MYCBPAP: variants seen among roughly 807,000 people sequenced by gnomAD.
MYCBPAP encodes the protein MYCBP associated protein.
MYCBPAP carries 60 observed loss-of-function variants against 106.1 expected under a neutral mutation model. The observed-to-expected ratio is 0.57, with a 90% CI of 0.46 to 0.70. The LOEUF (loss-of-function observed/expected upper bound fraction) is 0.70, where lower values mean the gene tolerates loss of function less well. Among genes scored for constraint, MYCBPAP ranks in the 30% least tolerant of loss-of-function variants. The pLI is 0.00. For synonymous variants in MYCBPAP, 407 were observed against 440.6 expected, an observed-to-expected ratio of 0.92 and a Z score of 0.95; for missense variants, 1,064 against 1,169.3, an observed-to-expected ratio of 0.91 and a Z score of 1.31.
chr17:50,508,725 A>G lies in MYCBPAP; in HGVS notation c.51A>G (p.Leu17=). 1 of 1,611,700 alleles carries G rather than the reference A, an allele frequency of 6.2e-7. No individual in the cohort carries two copies. The highest frequency in any genetic ancestry group is 8.5e-7 in the Non-Finnish European group (1 of 1,178,806). The part of the protein sequence containing the change: ...DSRLRITPTR[L]LEASENVKEK... Reference sequence around the variant, plus strand: ...GCCTCAGAATAACTCCGACCAGATTATTAGAGGCCTCAGAGAATGTCAAAG... The same window carrying G: ...GCCTCAGAATAACTCCGACCAGATTGTTAGAGGCCTCAGAGAATGTCAAAG... Residue 17 remains leucine, a synonymous_variant, in exon 1 of 19, where the codon TTA becomes TTG. Coordinates refer to ENST00000323776, the MANE Select transcript of MYCBPAP (RefSeq NM_032133.6).
chr17:50,527,276 G>A lies in MYCBPAP; in HGVS notation c.2170-11G>A. The A allele has an allele frequency of 6.2e-7, 1 of 1,613,858 alleles. No individual in the cohort carries two copies. ...TGTCCTGGTGCAGAATGGTGCCCAT[G>A]ACCCTGCCAGGCAGTGATGGTGCTC... On this transcript the variant is annotated splice_polypyrimidine_tract_variant and intron_variant, in intron 14 of 18. Coordinates refer to ENST00000323776, the MANE Select transcript of MYCBPAP (RefSeq NM_032133.6).
rs1353043301 is a variant in MYCBPAP at position 50,516,605 on chromosome 17, C to G, written c.112C>G (p.Pro38Ala). The G allele has an allele frequency of 5.0e-6, 8 of 1,614,198 alleles. No individual in the cohort carries two copies. Among genetic ancestry groups the G allele is most frequent in the Non-Finnish European group, 6.8e-6 (8 of 1,180,042 alleles). ...KRAKGPEQPT[P>A]TIQEEPEPVS... ...GGCAAAGGGACCTGAACAACCCACA[C>G]CCACAATTCAGGAAGAGCCTGAACC... is the stretch of plus-strand genomic sequence containing the variant. Residue 38 changes from proline (P) to alanine (A), a missense_variant, in exon 2 of 19, where the codon CCC (proline) becomes GCC (alanine). By Grantham distance (27) the Pro-to-Ala change is conservative. Coordinates refer to ENST00000323776, the MANE Select transcript of MYCBPAP (RefSeq NM_032133.6).
intron 13 of MYCBPAP, among the ~76,000 whole-genome samples, chr17:50,525,659 C>CTGTTTTTTTTTTT (rs57947501): frequency 7.6e-6 from 1 of 131,364 alleles, no homozygotes; most frequent in Admixed American, 8.0e-5. Context: ...GCTAATTTCT[C>CTGTTTTTTTTTTT]TTTTTTTTTT....
rs185427133 is a variant in MYCBPAP at position 50,523,736 on chromosome 17, G to C, written c.1587G>C (p.Ala529=). The C allele has an allele frequency of 4.5e-5, 73 of 1,613,990 alleles. 1 individual carries two copies. In the Admixed American group the frequency reaches 1.2e-3, roughly 27 times the overall value. The part of the protein sequence containing the change: ...GGAILQVNLH[A]VSLTQDVFED... ...CTATACTGCAGGTCAATCTCCACGC[G>C]GTCTCCCTGACCCAGGACGTTTTTG... is the stretch of plus-strand genomic sequence containing the variant. Residue 529 remains alanine (A), a synonymous_variant, in exon 12 of 19, where the codon GCG becomes GCC. Transcript: ENST00000323776.
chr17:50,516,143 C>G (rs567413482), intron 1 of MYCBPAP: 1 of 158,540 alleles, frequency 6.3e-6, no homozygotes, highest in African/African-American at 2.4e-5. Context: ...GCATGGGCCA[C>G]CACACCTGGC....
intron 1 of MYCBPAP, chr17:50,510,499 G>GTATGTATGTATATATATA (rs1555618059): frequency 1.0e-4 from 8 of 76,414 alleles, no homozygotes; most frequent in African/African-American, 3.7e-4. Context: ...GTGTGTGTGT[G>GTATGTATGTATATATATA]TATATATATA....
intron 2 of MYCBPAP, 64 bp downstream of exon 2, chr17:50,516,761 C>A: frequency 6.3e-7 from 1 of 1,593,676 alleles, no homozygotes; most frequent in South Asian, 1.1e-5. Context: ...CCTGAGTGGT[C>A]TAGAACACCA....
rs767627585 is a variant in MYCBPAP, at chr17:50,508,607, G to C, written c.-68G>C. The C allele has an allele frequency of 1.3e-6, 2 of 1,557,550 alleles. No homozygotes were observed. The highest frequency in any genetic ancestry group is 1.8e-4 in the Middle Eastern group (1 of 5,508). ...CGCAGTGGCGGCCGTTGGCTGGCGG[G>C]TGCGGCGCAGCCTCGGTGTCTCTGG... On this transcript the variant is annotated 5_prime_UTR_variant, in exon 1 of 19. Transcript: ENST00000323776.
chr17:50,524,920 T>C lies in MYCBPAP; in HGVS notation c.1679T>C (p.Val560Ala). The C allele has an allele frequency of 6.2e-7, 1 of 1,614,048 alleles. No homozygotes were observed. The highest frequency in any genetic ancestry group is 8.5e-7 in the Non-Finnish European group (1 of 1,180,014). ...AHEAVTVVRE[V>A]LQELLMGVLT... is the part of the protein sequence containing the mutation. ...GAGGCAGTCACCGTCGTTCGCGAAG[T>C]GCTGCAGGAGCTGCTGATGGGGGTC... The change falls in exon 13 of 19, where the codon GTG (valine) becomes GCG (alanine). Residue 560 changes from valine to alanine, a missense_variant. Transcript: ENST00000323776.
At chr17:50,526,444 G>A (rs948309539) in intron 14 of MYCBPAP, among the ~76,000 whole-genome samples, 177 bp downstream of exon 14, 1 of 78,408 alleles carries the variant, frequency 1.3e-5, no homozygotes, top group Non-Finnish European at 2.7e-5. Context: ...TTATTTTTGA[G>A]ACGAAGTTTT....
chr17:50,510,499 G>GTGTGTGTATATA (rs1418345705), intron 1 of MYCBPAP: 33 of 76,412 alleles, frequency 4.3e-4, no homozygotes, highest in African/African-American at 1.4e-3. Context: ...GTGTGTGTGT[G>GTGTGTGTATATA]TATATATATA....
At chr17:50,508,966 G>A in intron 1 of MYCBPAP, 1 of 704,454 alleles carries the variant, frequency 1.4e-6, no homozygotes, top group Non-Finnish European at 2.6e-6. Flanking sequence ...GACATAGGAA[G>A]TGGGAGACTG....
Position 50,523,782 on chromosome 17 carries a change from G to A in MYCBPAP, c.1633G>A (p.Glu545Lys), listed in dbSNP as rs2034362954. The change falls in exon 12 of 19, where the codon GAG (glutamate) becomes AAG (lysine). Residue 545 changes from glutamate (E) to lysine (K), a missense_variant and splice_region_variant. Transcript: ENST00000323776. ...DVFEDERKVL[E>K]SKLTAHEAVT... ...TTTTGAGGATGAGAGGAAAGTACTG[G>A]AGGTAAGGGACCCAGGACCATGGCC... is the stretch of plus-strand genomic sequence containing the variant. 2.5e-6 allele frequency: 4 copies of A among 1,613,670 alleles called. No homozygotes were observed. The highest frequency in any genetic ancestry group is 3.4e-6 in the Non-Finnish European group (4 of 1,179,796).
chr17:50,511,866 G>A (rs1394287331), intron 1 of MYCBPAP, among the ~76,000 whole-genome samples: 1 of 152,018 alleles, frequency 6.6e-6, no homozygotes, highest in African/African-American at 2.4e-5. Context: ...GGTCTCCCCA[G>A]CTTGCCTCTG....
rs551595047 is a variant in MYCBPAP at position 50,529,326 on chromosome 17, C to G, written c.2724+138C>G. The G allele has an allele frequency of 4.3e-4, 325 of 762,862 alleles. 2 individuals are homozygous for G. In the South Asian group the frequency reaches 5.8e-3, roughly 14 times the overall value. The allele number at this position is 762,862 out of a possible 1,614,324, so 47.3% of individuals were successfully genotyped here. On this transcript the variant is annotated intron_variant, in intron 18 of 18. Coordinates refer to ENST00000323776, the MANE Select transcript of MYCBPAP (RefSeq NM_032133.6). Reference sequence around the variant, plus strand: ...AGGAAGGGCATCCTCGTGTGTGAGACAGGCCTCATGAATAAGGAATGCGCC... The same window carrying G: ...AGGAAGGGCATCCTCGTGTGTGAGAGAGGCCTCATGAATAAGGAATGCGCC...
intron 4 of MYCBPAP, 124 bp from the exon 5 acceptor site, chr17:50,518,417 C>G: frequency 1.3e-6 from 1 of 781,314 alleles, no homozygotes; most frequent in Non-Finnish European, 1.9e-6. Context: ...ACTCTGGAGT[C>G]CTGAAGAGGA....
chr17:50,523,800 C>A lies in MYCBPAP; in HGVS notation c.1635+16C>A, dbSNP rs1486335164. The A allele has an allele frequency of 9.9e-6, 16 of 1,609,018 alleles. No homozygotes were observed. The highest frequency in any genetic ancestry group is 1.2e-5 in the Non-Finnish European group (14 of 1,177,016). On this transcript the variant is annotated intron_variant, in intron 12 of 18. Transcript: ENST00000323776. The stretch of plus-strand genomic sequence containing the variant: ...AGTACTGGAGGTAAGGGACCCAGGA[C>A]CATGGCCCCTGTGGACATCAGGTAG...
chr17:50,516,806 A>G (rs2034069676), intron 2 of MYCBPAP, 109 bp downstream of exon 2: 3 of 1,238,918 alleles, frequency 2.4e-6, no homozygotes, highest in Non-Finnish European at 3.4e-6. Context: ...GTCTAACTCC[A>G]TGGAAAAACC....
chr17:50,508,441 G>A lies in MYCBPAP; in HGVS notation c.-234G>A, dbSNP rs1209280865. The A allele has an allele frequency of 6.2e-6, 7 of 1,123,146 alleles. No homozygotes were observed. The African/African-American group carries it at 1.0e-4, about 16-fold the overall frequency. 69.6% of individuals were successfully genotyped at this position (1,123,146 alleles called of 1,614,324 possible). A position where few individuals can be genotyped will look rare whatever the true frequency, so the allele number is the denominator to read the frequency against. ...GTGGCGTCACAGGCCGGGCCCGCAGGGCTTTCTAGGGGTCCGTCGCTCTTG... is the reference window on the plus strand; with the variant it reads ...GTGGCGTCACAGGCCGGGCCCGCAGAGCTTTCTAGGGGTCCGTCGCTCTTG... On this transcript the variant is annotated 5_prime_UTR_variant, in exon 1 of 19. Coordinates refer to ENST00000323776, the MANE Select transcript of MYCBPAP (RefSeq NM_032133.6).
Sources: allele counts gnomAD v4.1 joint callset (sites outside exome capture counted in the v4.1 genomes callset), GRCh38; gene constraint gnomAD v4.1.1; transcripts MANE v1.5; gene names NCBI Gene and HGNC (gene_info 2026-07-23, HGNC 2026-07-21).